The following LIN7C variants were observed in gnomAD, a reference collection of about 807,000 sequenced individuals.
The protein encoded by LIN7C is lin-7 cell polarity scaffold C.
LIN7C carries 17 observed loss-of-function variants against 24.7 expected under a neutral mutation model. The observed-to-expected ratio is 0.69, with a 90% CI of 0.47 to 1.03. The LOEUF is 1.03. Ranked by LOEUF, LIN7C falls within the 50% of genes least tolerant of loss-of-function variation. The probability of loss-of-function intolerance (pLI) is 0.00; values close to 1 mark genes in which losing one functional copy is unlikely to be tolerated. For synonymous variants in LIN7C, 90 were observed against 83.4 expected, an observed-to-expected ratio of 1.08 and a Z score of -0.43; for missense variants, 204 against 239.0, an observed-to-expected ratio of 0.85 and a Z score of 0.97.
chr11:27,499,928 C>T, intron 3 of LIN7C, among the ~76,000 whole-genome samples: 1 of 152,180 alleles, frequency 6.6e-6, no homozygotes, highest in East Asian at 1.9e-4. Flanking sequence ...CGCCTGGCCT[C>T]TTTTGTCTCT....
Position 27,499,536 on chromosome 11 carries a change from T to A in LIN7C, c.261A>T (p.Gly87=), listed in dbSNP as rs1200799492. The A allele has an allele frequency of 3.1e-6, 5 of 1,614,110 alleles. No homozygotes were observed. The African/African-American group carries it at 6.7e-5, about 22-fold the overall frequency. ...GCTCAACAACTCGAGGATGAGAATG[T>A]CCTTCACTGGCAGCAAATGCAGCAA... is the stretch of plus-strand genomic sequence containing the variant. ...ATVAAFAASE[G]HSHPRVVELP... is the part of the protein sequence containing the mutation. The change falls in exon 4 of 5, where the codon GGA becomes GGT. Residue 87 remains glycine, a synonymous_variant. Transcript: ENST00000278193.
At chr11:27,502,117 G>A (rs562367076) in intron 1 of LIN7C, among the ~76,000 whole-genome samples, 197 bp from the exon 2 acceptor site, 1 of 152,210 alleles carries the variant, frequency 6.6e-6, no homozygotes, top group Non-Finnish European at 1.5e-5. Flanking sequence ...AATGTAAAAT[G>A]TAAGAACACT....
In LIN7C at chr11:27,499,312, G is replaced by A. The variant is rs187039758; in HGVS notation, c.438+47C>T. 4.8e-5 allele frequency: 72 copies of A among 1,507,596 alleles called. No individual in the cohort carries two copies. The Admixed American group carries it at 9.0e-4, about 19-fold the overall frequency. The allele number at this position is 1,507,596 out of a possible 1,614,324, so 93.4% of individuals were successfully genotyped here. The stretch of plus-strand genomic sequence containing the variant: ...CTCCTATTACTCAAATACGCCCCCA[G>A]GTGGTCACAACAGATCACTACAAAT... On this transcript the variant is annotated intron_variant, in intron 4 of 4. Coordinates refer to ENST00000278193, the MANE Select transcript of LIN7C (RefSeq NM_018362.4).
At chr11:27,502,457 G>C (rs1463002807) in intron 1 of LIN7C, among the ~76,000 whole-genome samples, 1 of 151,440 alleles carries the variant, frequency 6.6e-6, no homozygotes, top group East Asian at 1.9e-4. Flanking sequence ...TTAGTGGCAG[G>C]GACACATTTA....
Position 27,497,533 on chromosome 11 carries a change from A to G in LIN7C, c.*1116T>C, listed in dbSNP as rs1191816663. Reference sequence around the variant, plus strand: ...AACAAAAGTTGCCTCTTTAAATCCAACAATTTTAGTATGAGTTCCTACTTA... The same window carrying G: ...AACAAAAGTTGCCTCTTTAAATCCAGCAATTTTAGTATGAGTTCCTACTTA... On this transcript the variant is annotated 3_prime_UTR_variant, in exon 5 of 5. Coordinates refer to ENST00000278193, the MANE Select transcript of LIN7C (RefSeq NM_018362.4). 6.6e-6 allele frequency: 1 copy of G among 152,544 alleles called. No homozygotes were observed. Among genetic ancestry groups the G allele is most frequent in the Non-Finnish European group, 1.5e-5 (1 of 67,936 alleles). The allele number at this position is 152,544 out of a possible 1,614,324, so 9.4% of individuals were successfully genotyped here.
At position 27,497,051 on chromosome 11, in the gene LIN7C, T is replaced by C. The variant is rs1865178180; in HGVS notation, c.*1598A>G. On this transcript the variant is annotated 3_prime_UTR_variant, in exon 5 of 5. Transcript: ENST00000278193. ...TTTACAATTTAACAACATGATCCTA[T>C]CAATAACAAGCACATTTTGTAGTGG... 6.6e-6 allele frequency: 1 copy of C among 152,560 alleles called. No individual in the cohort carries two copies. Among genetic ancestry groups the C allele is most frequent in the African/African-American group, 2.4e-5 (1 of 41,440 alleles). 9.5% of individuals were successfully genotyped at this position (152,560 alleles called of 1,614,324 possible). A position where few individuals can be genotyped will look rare whatever the true frequency, so the allele number is the denominator to read the frequency against.
At chr11:27,501,360 G>C in intron 3 of LIN7C, 135 bp downstream of exon 3, 1 of 629,534 alleles carries the variant, frequency 1.6e-6, no homozygotes, top group South Asian at 1.9e-5. Context: ...TTATTTCTTA[G>C]TACTTGAGAA....
At chr11:27,506,556 C>A (rs574898838) in intron 1 of LIN7C, among the ~76,000 whole-genome samples, 160 bp downstream of exon 1, 2 of 152,200 alleles carry the variant, frequency 1.3e-5, no homozygotes, top group East Asian at 3.9e-4. Flanking sequence ...CGTAAGCGCC[C>A]TTCCTAGAGC....
Position 27,499,423 on chromosome 11 carries a change from C to T in LIN7C, c.374G>A (p.Gly125Asp), listed in dbSNP as rs1334783886. ...GCCCCCATGTCTATCAGCAATTCCA[C>T]CTGGAATTATTCGGGATATATAGAT... ...SPIYISRIIP[G>D]GIADRHGGLK... Residue 125 changes from glycine (G) to aspartate (D), a missense_variant, in exon 4 of 5, where the codon GGT becomes GAT. Physicochemically the swap from Gly to Asp is moderately conservative, Grantham distance 94. Transcript: ENST00000278193. 6.2e-7 allele frequency: 1 copy of T among 1,614,052 alleles called. No individual in the cohort carries two copies. The highest frequency in any genetic ancestry group is 8.5e-7 in the Non-Finnish European group (1 of 1,179,952).
chr11:27,500,650 C>G (rs1865215417), intron 3 of LIN7C, among the ~76,000 whole-genome samples: 1 of 151,082 alleles, frequency 6.6e-6, no homozygotes, highest in Admixed American at 6.6e-5. Context: ...TTACTGAACA[C>G]CCGTTATCTT....
Position 27,496,385 on chromosome 11 carries a change from T to C in LIN7C, c.*2264A>G, listed in dbSNP as rs948416400. The C allele has an allele frequency of 2.6e-5, 4 of 152,302 alleles. No homozygotes were observed. Among genetic ancestry groups the C allele is most frequent in the South Asian group, 2.1e-4 (1 of 4,826 alleles). 9.4% of individuals were successfully genotyped at this position (152,302 alleles called of 1,614,324 possible). A position where few individuals can be genotyped will look rare whatever the true frequency, so the allele number is the denominator to read the frequency against. On this transcript the variant is annotated 3_prime_UTR_variant, in exon 5 of 5. Transcript: ENST00000278193. ...CTATGTACCTAGTTTTATTCACGAA[T>C]CATCCATTTCTAAGATAAAAATTCC...
At chr11:27,502,784 CAA>C (rs1425827349) in intron 1 of LIN7C, among the ~76,000 whole-genome samples, 1 of 152,078 alleles carries the variant, frequency 6.6e-6, no homozygotes, top group African/African-American at 2.4e-5. Flanking sequence ...GCTTAGCAAG[CAA>C]AAGTGTTATG....
Position 27,495,335 on chromosome 11 carries a change from GCACA to G in LIN7C, c.*3310_*3313del. 6.6e-6 allele frequency: 1 copy of G among 152,260 alleles called. No individual in the cohort carries two copies. Among genetic ancestry groups the G allele is most frequent in the East Asian group, 1.9e-4 (1 of 5,188 alleles). The allele number at this position is 152,260 out of a possible 1,614,324, so 9.4% of individuals were successfully genotyped here. Reference sequence around the variant, plus strand: ...ACAAAAAAATTAGCCGGGAGAGGTGGCACACGCCTGTAGTCCTAGCTACTCGGGA... The same window carrying G: ...ACAAAAAAATTAGCCGGGAGAGGTGGCGCCTGTAGTCCTAGCTACTCGGGA... On this transcript the variant is annotated 3_prime_UTR_variant, in exon 5 of 5. Coordinates refer to ENST00000278193, the MANE Select transcript of LIN7C (RefSeq NM_018362.4).
Position 27,501,790 on chromosome 11 carries a change from A to C in LIN7C, c.156+12T>G. 2 of 1,527,320 alleles carry C rather than the reference A, an allele frequency of 1.3e-6. No individual in the cohort carries two copies. Among genetic ancestry groups the C allele is most frequent in the South Asian group, 2.3e-5 (2 of 86,276 alleles). The allele number at this position is 1,527,320 out of a possible 1,614,324, so 94.6% of individuals were successfully genotyped here. A position where few individuals can be genotyped will look rare whatever the true frequency, so the allele number is the denominator to read the frequency against. On this transcript the variant is annotated intron_variant, in intron 2 of 4. Coordinates refer to ENST00000278193, the MANE Select transcript of LIN7C (RefSeq NM_018362.4). Reference sequence around the variant, plus strand: ...ACTCAAATTTTTGTAAATTTTAATGATGTTTACTCACCTCTCTCACAGCAT... The same window carrying C: ...ACTCAAATTTTTGTAAATTTTAATGCTGTTTACTCACCTCTCTCACAGCAT...
chr11:27,506,534 C>T (rs1419877664), intron 1 of LIN7C, among the ~76,000 whole-genome samples, 182 bp downstream of exon 1: 1 of 152,218 alleles, frequency 6.6e-6, no homozygotes, highest in Non-Finnish European at 1.5e-5. Flanking sequence ...TTACGGTTAA[C>T]AGACAAAATA....
Position 27,495,601 on chromosome 11 carries a change from G to A in LIN7C, c.*3048C>T, listed in dbSNP as rs1437219440. The A allele has an allele frequency of 6.6e-6, 1 of 151,588 alleles. No individual in the cohort carries two copies. Among genetic ancestry groups the A allele is most frequent in the Non-Finnish European group, 1.5e-5 (1 of 67,972 alleles). The allele number at this position is 151,588 out of a possible 1,614,324, so 9.4% of individuals were successfully genotyped here. A position where few individuals can be genotyped will look rare whatever the true frequency, so the allele number is the denominator to read the frequency against. Reference sequence around the variant, plus strand: ...ATTAAGACAGTACATAATTATTAACGACAATATTTCTCATCTGCAATTTTT... The same window carrying A: ...ATTAAGACAGTACATAATTATTAACAACAATATTTCTCATCTGCAATTTTT... On this transcript the variant is annotated 3_prime_UTR_variant, in exon 5 of 5. Coordinates refer to ENST00000278193, the MANE Select transcript of LIN7C (RefSeq NM_018362.4).
intron 1 of LIN7C, among the ~76,000 whole-genome samples, chr11:27,505,828 T>C (rs1865280350): frequency 6.6e-6 from 1 of 152,242 alleles, no homozygotes; most frequent in South Asian, 2.1e-4. Context: ...TTCCTATCAA[T>C]GATTTCTAAT....
rs1049173450 is a variant in LIN7C at position 27,497,684 on chromosome 11, T to C, written c.*965A>G. On this transcript the variant is annotated 3_prime_UTR_variant, in exon 5 of 5. Coordinates refer to ENST00000278193, the MANE Select transcript of LIN7C (RefSeq NM_018362.4). Reference sequence around the variant, plus strand: ...ATTGAGCTAGTAAGAATGTCTACTCTTGAAGCTAGTGAGGTTAAAGGTATT... The same window carrying C: ...ATTGAGCTAGTAAGAATGTCTACTCCTGAAGCTAGTGAGGTTAAAGGTATT... The C allele has an allele frequency of 3.3e-5, 5 of 152,126 alleles. No individual in the cohort carries two copies. The highest frequency in any genetic ancestry group is 4.8e-5 in the African/African-American group (2 of 41,450). 9.4% of individuals were successfully genotyped at this position (152,126 alleles called of 1,614,324 possible).
intron 3 of LIN7C, among the ~76,000 whole-genome samples, chr11:27,501,264 T>C (rs990881384): frequency 5.9e-5 from 9 of 152,164 alleles, no homozygotes; most frequent in Non-Finnish European, 1.0e-4. Context: ...TACATTTCTA[T>C]TGCATTATCT....
Sources: allele counts gnomAD v4.1 joint callset (sites outside exome capture counted in the v4.1 genomes callset), GRCh38; gene constraint gnomAD v4.1.1; transcripts MANE v1.5; gene names NCBI Gene and HGNC (gene_info 2026-07-23, HGNC 2026-07-21).